TTC39C: variants seen among roughly 807,000 people sequenced by gnomAD.
TTC39C encodes the protein tetratricopeptide repeat domain 39C, also known as tetratricopeptide repeat protein 39C.
TTC39C carries 33 observed loss-of-function variants against 76.3 expected under a neutral mutation model. The ratio of observed to expected loss-of-function variants is 0.43; its 90% CI spans 0.33 to 0.58. The LOEUF is 0.58. TTC39C is among the 20% of genes least tolerant of loss of function. The pLI is 0.04. For missense variants in TTC39C, 595 were observed against 701.4 expected, an observed-to-expected ratio of 0.85 and a Z score of 1.71; for synonymous variants, 254 against 260.6, an observed-to-expected ratio of 0.97 and a Z score of 0.24.
At chr18:24,030,933 A>G (rs1209783160) in intron 1 of TTC39C, among the ~76,000 whole-genome samples, 1 of 151,636 alleles carries the variant, frequency 6.6e-6, no homozygotes, top group Non-Finnish European at 1.5e-5. Context: ...GGCATGAGCC[A>G]CTGCACCCGG....
chr18:24,079,974 G>A (rs922504339), intron 4 of TTC39C, among the ~76,000 whole-genome samples: 1 of 151,320 alleles, frequency 6.6e-6, no homozygotes, highest in Non-Finnish European at 1.5e-5. Context: ...GCTAAATTTT[G>A]TATTTTTTAT....
chr18:24,111,406 T>A (rs1051730135), intron 6 of TTC39C, among the ~76,000 whole-genome samples: 3 of 151,660 alleles, frequency 2.0e-5, no homozygotes, highest in African/African-American at 7.3e-5. Flanking sequence ...TCATCTGTAC[T>A]AAAAATATAA....
chr18:24,114,668 C>T, intron 7 of TTC39C, 21 bp downstream of exon 7: 1 of 1,565,480 alleles, frequency 6.4e-7, no homozygotes, highest in Non-Finnish European at 8.8e-7. Flanking sequence ...AATGTCTGTC[C>T]AGCCTCTTGT....
At chr18:24,102,471 A>G (rs1170675002) in intron 6 of TTC39C, among the ~76,000 whole-genome samples, 1 of 152,248 alleles carries the variant, frequency 6.6e-6, no homozygotes, top group Non-Finnish European at 1.5e-5. Context: ...TTATGAAGAA[A>G]GCAGTGTGCA....
chr18:24,027,194 A>G (rs898726640), intron 1 of TTC39C, among the ~76,000 whole-genome samples: 2 of 152,034 alleles, frequency 1.3e-5, no homozygotes, highest in Non-Finnish European at 2.9e-5. Flanking sequence ...CAGGAAGCTG[A>G]GGCAGGAGAA....
At position 24,032,838 on chromosome 18, in the gene TTC39C, T is replaced by G. The variant is rs1869773540; in HGVS notation, c.167+17800T>G. Among the ~76,000 whole-genome samples the G allele has an allele frequency of 2.0e-5, 3 of 152,258 alleles. No individual in the cohort carries two copies. In the South Asian group the frequency reaches 6.2e-4, roughly 31 times the overall value. On this transcript the variant is annotated intron_variant, in intron 1 of 13. Transcript: ENST00000317571. ...ATCCCAGTTAGCTCATGCTATAAAATAGACTCATATTTCCCCCTTTTATAC... is the reference window on the plus strand; with the variant it reads ...ATCCCAGTTAGCTCATGCTATAAAAGAGACTCATATTTCCCCCTTTTATAC...
intron 10 of TTC39C, among the ~76,000 whole-genome samples, chr18:24,128,502 A>G (rs2085078988): frequency 6.6e-6 from 1 of 151,884 alleles, no homozygotes; most frequent in African/African-American, 2.4e-5. Flanking sequence ...TTTGGAAATA[A>G]TGGTGTTACT....
rs766828243 is a variant in TTC39C, at chr18:24,125,572, A to T, written c.1420+22A>T. The stretch of plus-strand genomic sequence containing the variant: ...CAAGGTAAAAAATTTAAAAAAACCC[A>T]AAACTGTCTACTGGACACACTGGCT... On this transcript the variant is annotated intron_variant, in intron 10 of 13. Transcript: ENST00000317571. 8 of 1,613,770 alleles carry T rather than the reference A, an allele frequency of 5.0e-6. 1 individual carries two copies. In the South Asian group the frequency reaches 7.7e-5, roughly 16 times the overall value.
At chr18:24,036,697 C>G (rs1479364528) in intron 1 of TTC39C, among the ~76,000 whole-genome samples, 1 of 152,142 alleles carries the variant, frequency 6.6e-6, no homozygotes, top group Non-Finnish European at 1.5e-5. Flanking sequence ...GTGGCATGAT[C>G]ACAGTCTACT....
At position 24,036,875 on chromosome 18, in the gene TTC39C, T is replaced by G. The variant is rs1240208617; in HGVS notation, c.167+21837T>G. The stretch of plus-strand genomic sequence containing the variant: ...TTCAAACTCCTGGGCTCAAGCCATC[T>G]GTCCGCCTTGGCCTCCCAAAGTGCT... On this transcript the variant is annotated intron_variant, in intron 1 of 13. Transcript: ENST00000317571. Among the ~76,000 whole-genome samples, 3 of 152,178 alleles carry G rather than the reference T, an allele frequency of 2.0e-5. No individual in the cohort carries two copies. In the East Asian group the frequency reaches 5.8e-4, roughly 29 times the overall value.
At chr18:24,021,804 C>A (rs2145655121) in intron 1 of TTC39C, among the ~76,000 whole-genome samples, 1 of 152,192 alleles carries the variant, frequency 6.6e-6, no homozygotes, top group East Asian at 1.9e-4. Context: ...AGGTAGTTAC[C>A]CCTGTCTTAC....
intron 11 of TTC39C, 128 bp from the exon 12 acceptor site, chr18:24,130,185 A>G: frequency 2.1e-6 from 1 of 468,590 alleles, no homozygotes; most frequent in South Asian, 2.5e-5. Flanking sequence ...GAAGATGAGG[A>G]AAGAAGAGAA....
At chr18:24,085,115 G>A (rs1298520192) in intron 6 of TTC39C, among the ~76,000 whole-genome samples, 3 of 152,204 alleles carry the variant, frequency 2.0e-5, no homozygotes, top group South Asian at 4.1e-4. Context: ...ATTACAAGGG[G>A]AAAGTAAATT....
At chr18:24,123,982 T>C in intron 9 of TTC39C, 39 bp downstream of exon 9, 1 of 1,469,550 alleles carries the variant, frequency 6.8e-7, no homozygotes. Context: ...TTACTTATGA[T>C]GGGCATTTGT....
At chr18:24,113,007 C>G (rs1193784307) in intron 6 of TTC39C, among the ~76,000 whole-genome samples, 2 of 151,970 alleles carry the variant, frequency 1.3e-5, no homozygotes, top group South Asian at 4.1e-4. Flanking sequence ...TGCTAACAGT[C>G]AGTGTCAATG....
At chr18:24,039,135 C>T (rs2083763532) in intron 1 of TTC39C, among the ~76,000 whole-genome samples, 1 of 152,202 alleles carries the variant, frequency 6.6e-6, no homozygotes, top group Non-Finnish European at 1.5e-5. Flanking sequence ...AAGGTGGGTA[C>T]TGTCATTTCC....
At chr18:24,014,674 C>G (rs2083425866), upstream of TTC39C, 1 of 815,618 alleles carries the variant, frequency 1.2e-6, no homozygotes. Context: ...GCCCACCTCC[C>G]ACGCCGCGCC....
intron 1 of TTC39C, among the ~76,000 whole-genome samples, chr18:24,059,961 A>G (rs1442141049): frequency 6.6e-6 from 1 of 152,204 alleles, no homozygotes; most frequent in East Asian, 1.9e-4. Context: ...GAAATGCCTT[A>G]TAAAACAATC....
intron 1 of TTC39C, among the ~76,000 whole-genome samples, chr18:24,045,658 A>G (rs561641592): frequency 1.3e-5 from 2 of 152,040 alleles, no homozygotes; most frequent in South Asian, 4.1e-4. Flanking sequence ...AATGTTTGTG[A>G]AATTTTGTAC....
Sources: allele counts gnomAD v4.1 joint callset (sites outside exome capture counted in the v4.1 genomes callset), GRCh38; gene constraint gnomAD v4.1.1; transcripts MANE v1.5; gene names NCBI Gene and HGNC (gene_info 2026-07-23, HGNC 2026-07-21).